Variants in EPC2 observed in about 807,000 individuals in gnomAD.
EPC2 encodes enhancer of polycomb homolog 2.
Under a neutral mutation model 92.1 loss-of-function variants are expected in EPC2, and 14 were observed. The observed-to-expected ratio is 0.15, with a 90% CI of 0.10 to 0.24. The LOEUF (loss-of-function observed/expected upper bound fraction) is 0.24, where lower values mean the gene tolerates loss of function less well. EPC2 is among the 10% of genes least tolerant of loss of function. EPC2 has a pLI of 1.00. For missense variants in EPC2, 755 were observed against 971.5 expected (o/e 0.78, Z 2.96); for synonymous variants, 340 against 334.7 (o/e 1.02, Z -0.17).
intron 2 of EPC2, among the ~76,000 whole-genome samples, chr2:148,719,125 GGTTATCAGCTCCT>G (rs1558819445): frequency 1.3e-5 from 2 of 151,920 alleles, no homozygotes; most frequent in African/African-American, 2.4e-5. Context: ...TGGCTATTCT[GGTTATCAGCTCCT>G]GTATAGTTTT....
Position 148,747,297 on chromosome 2 carries a change from C to T in EPC2, c.459+3530C>T, listed in dbSNP as rs1683003486. 2.0e-5 allele frequency among the ~76,000 whole-genome samples: 3 copies of T among 152,058 alleles called. No individual in the cohort carries two copies. In the South Asian group the frequency reaches 6.2e-4, roughly 31 times the overall value. ...TTTCCATCATTTTCCTTCCTTTCTA[C>T]CTCCATACTACCTTTTACTCCTGTA... On this transcript the variant is annotated intron_variant, in intron 3 of 13. Transcript: ENST00000258484.
At chr2:148,729,561 T>G (rs1682577362) in intron 2 of EPC2, among the ~76,000 whole-genome samples, 1 of 152,208 alleles carries the variant, frequency 6.6e-6, no homozygotes, top group Non-Finnish European at 1.5e-5. Context: ...TCTTTTCATC[T>G]GTTTAGGAGC....
chr2:148,679,108 A>C (rs1047976896), intron 1 of EPC2, among the ~76,000 whole-genome samples: 3 of 152,230 alleles, frequency 2.0e-5, no homozygotes, highest in African/African-American at 7.2e-5. Flanking sequence ...ACTGGATCTA[A>C]AAATGTTTTG....
chr2:148,715,332 C>T (rs1682236527), intron 2 of EPC2, among the ~76,000 whole-genome samples: 1 of 152,094 alleles, frequency 6.6e-6, no homozygotes, highest in South Asian at 2.1e-4. Flanking sequence ...TGCGCCCAGC[C>T]TCTTCTAGCG....
intron 2 of EPC2, among the ~76,000 whole-genome samples, chr2:148,726,578 G>A (rs1682498267): frequency 6.6e-6 from 1 of 151,716 alleles, no homozygotes; most frequent in South Asian, 2.1e-4. Context: ...GCATCTTTTT[G>A]TATGCCGGCC....
At chr2:148,755,270 A>C (rs189135394) in intron 4 of EPC2, among the ~76,000 whole-genome samples, 3 of 152,290 alleles carry the variant, frequency 2.0e-5, no homozygotes, top group Admixed American at 2.0e-4. Flanking sequence ...ATATTTTATG[A>C]AGATTTGGCA....
At chr2:148,718,685 T>G (rs1359959083) in intron 2 of EPC2, among the ~76,000 whole-genome samples, 1 of 152,142 alleles carries the variant, frequency 6.6e-6, no homozygotes, top group African/African-American at 2.4e-5. Context: ...TCTTTCATCT[T>G]GATCTTGGAG....
intron 1 of EPC2, among the ~76,000 whole-genome samples, chr2:148,670,468 C>T (rs955818906): frequency 6.6e-6 from 1 of 151,808 alleles, no homozygotes; most frequent in African/African-American, 2.4e-5. Flanking sequence ...TATTTTGTTT[C>T]AAAACATTTC....
At chr2:148,733,454 C>G (rs1682685514) in intron 2 of EPC2, among the ~76,000 whole-genome samples, 1 of 127,552 alleles carries the variant, frequency 7.8e-6, no homozygotes, top group African/African-American at 2.9e-5. Context: ...TTATTATTAC[C>G]TTTCTCTTTT....
chr2:148,759,180 C>T (rs1483055550), intron 4 of EPC2, among the ~76,000 whole-genome samples: 1 of 152,168 alleles, frequency 6.6e-6, no homozygotes, highest in Non-Finnish European at 1.5e-5. Flanking sequence ...GCAACCTCTA[C>T]CTCCTGGGAT....
At chr2:148,749,767 C>T (rs1177643924) in intron 3 of EPC2, among the ~76,000 whole-genome samples, 1 of 152,002 alleles carries the variant, frequency 6.6e-6, no homozygotes. Context: ...AACCCCATCA[C>T]ACAATAAAAT....
At chr2:148,671,239 C>G (rs1257456190) in intron 1 of EPC2, among the ~76,000 whole-genome samples, 1 of 148,348 alleles carries the variant, frequency 6.7e-6, no homozygotes, top group Admixed American at 6.7e-5. Context: ...TGCTTCATTA[C>G]TTGCTGTAAA....
intron 10 of EPC2, among the ~76,000 whole-genome samples, chr2:148,773,573 T>G (rs1683568502): frequency 6.6e-6 from 1 of 152,144 alleles, no homozygotes. Flanking sequence ...TTGAACTCAT[T>G]CTTCTTCACT....
At chr2:148,713,992 A>T (rs1272499393) in intron 2 of EPC2, among the ~76,000 whole-genome samples, 2 of 152,072 alleles carry the variant, frequency 1.3e-5, no homozygotes, top group Non-Finnish European at 2.9e-5. Context: ...TGCACAGATC[A>T]TTCCATCACC....
At chr2:148,688,693 T>C (rs909203678) in intron 1 of EPC2, among the ~76,000 whole-genome samples, 2 of 152,226 alleles carry the variant, frequency 1.3e-5, no homozygotes, top group Non-Finnish European at 2.9e-5. Context: ...TCAGTTTCTT[T>C]ATATGCATTT....
intron 2 of EPC2, among the ~76,000 whole-genome samples, chr2:148,698,240 C>T (rs1015531212): frequency 3.3e-5 from 5 of 152,074 alleles, no homozygotes; most frequent in African/African-American, 9.7e-5. Flanking sequence ...GTTGTAAATA[C>T]GCAATCTTCC....
chr2:148,787,273 T>C lies in EPC2; in HGVS notation c.*896T>C, dbSNP rs1683887297. ...GCAATAATTATTGGAAGTCTAGATA[T>C]CGAGCCATCCCAGGTGTTGGGCGGG... On this transcript the variant is annotated 3_prime_UTR_variant, in exon 14 of 14. Coordinates refer to ENST00000258484, the MANE Select transcript of EPC2 (RefSeq NM_015630.4). 1 of 140,616 alleles carries C rather than the reference T, an allele frequency of 7.1e-6. No individual in the cohort carries two copies. Among genetic ancestry groups the C allele is most frequent in the Non-Finnish European group, 1.5e-5 (1 of 64,664 alleles). The allele number at this position is 140,616 out of a possible 1,614,324, so 8.7% of individuals were successfully genotyped here.
At chr2:148,774,578 G>C (rs1437492965) in intron 10 of EPC2, among the ~76,000 whole-genome samples, 1 of 145,008 alleles carries the variant, frequency 6.9e-6, no homozygotes, top group Non-Finnish European at 1.5e-5. Context: ...TCCTGCCACT[G>C]TACTCCAGCC....
intron 1 of EPC2, among the ~76,000 whole-genome samples, chr2:148,670,321 AT>A (rs145018929): frequency 0.026 from 3,911 of 150,856 alleles, 57 homozygotes; most frequent in East Asian, 0.032. Flanking sequence ...GGAAGGGTGA[AT>A]TTGGTCCATG....
Sources: allele counts gnomAD v4.1 joint callset (sites outside exome capture counted in the v4.1 genomes callset), GRCh38; gene constraint gnomAD v4.1.1; transcripts MANE v1.5; gene names NCBI Gene and HGNC (gene_info 2026-07-23, HGNC 2026-07-21).